Variants in ZNF668 observed in about 807,000 individuals in gnomAD.
ZNF668 encodes zinc finger protein 668.
In ZNF668, 10 loss-of-function variants were observed where a neutral mutation model predicts 40.3. That is an observed-to-expected ratio of 0.25 (90% CI 0.15 to 0.42). The LOEUF (loss-of-function observed/expected upper bound fraction) is 0.42, where lower values mean the gene tolerates loss of function less well. Ranked by LOEUF, ZNF668 falls within the 10% of genes least tolerant of loss-of-function variation. The probability of loss-of-function intolerance (pLI) is 1.00; values close to 1 mark genes in which losing one functional copy is unlikely to be tolerated. For synonymous variants in ZNF668, 428 were observed against 384.6 expected, an observed-to-expected ratio of 1.11 and a Z score of -1.32; for missense variants, 749 against 904.6, an observed-to-expected ratio of 0.83 and a Z score of 2.21.
chr16:31,070,323 T>G (rs916890084), intron 1 of ZNF668, among the ~76,000 whole-genome samples: 3 of 151,448 alleles, frequency 2.0e-5, no homozygotes, highest in Admixed American at 1.3e-4. Flanking sequence ...TTCTCCTGCC[T>G]CAGCTTCCCG....
chr16:31,061,377 C>T lies in ZNF668; in HGVS notation c.1551G>A (p.Val517=), dbSNP rs1218815485. The T allele has an allele frequency of 6.2e-7, 1 of 1,613,668 alleles. No individual in the cohort carries two copies. Among genetic ancestry groups the T allele is most frequent in the Non-Finnish European group, 8.5e-7 (1 of 1,179,814 alleles). ...AGAAGGTCTCCTTGCACTCTCGGCA[C>T]ACAAACTGGGGGGGCTTCTCGTCAG... ...EEADEKPPQF[V]CRECKETFST... The change falls in exon 3 of 3, where the codon GTG becomes GTA. Residue 517 remains valine (V), a synonymous_variant. Transcript: ENST00000300849. The surrounding 1 kb of genome is among the most constrained non-coding windows in gnomAD (Gnocchi z 7.7).
At chr16:31,070,025 C>T (rs571550659) in intron 1 of ZNF668, among the ~76,000 whole-genome samples, 5 of 152,312 alleles carry the variant, frequency 3.3e-5, no homozygotes, top group Admixed American at 2.6e-4. Flanking sequence ...CCACCTGCCT[C>T]GGCCTCCCAG....
At chr16:31,070,070 G>A (rs1484342617) in intron 1 of ZNF668, among the ~76,000 whole-genome samples, 3 of 151,792 alleles carry the variant, frequency 2.0e-5, no homozygotes, top group Non-Finnish European at 2.9e-5. Context: ...CACTGCACCC[G>A]GCCCAATCCC....
chr16:31,063,681 C>T, intron 2 of ZNF668, 132 bp downstream of exon 2: 1 of 1,071,534 alleles, frequency 9.3e-7, no homozygotes, highest in Non-Finnish European at 1.3e-6. Flanking sequence ...TGCCTAGCCC[C>T]TCCCCTTGGA....
intron 1 of ZNF668, among the ~76,000 whole-genome samples, chr16:31,067,933 C>T (rs1280188792): frequency 6.6e-6 from 1 of 152,162 alleles, no homozygotes; most frequent in East Asian, 1.9e-4. Context: ...CTTCTCTCAT[C>T]CTTGCAGAAC....
intron 1 of ZNF668, chr16:31,064,910 C>T (rs979164384): frequency 1.4e-6 from 2 of 1,397,162 alleles, no homozygotes; most frequent in African/African-American, 1.4e-5. Flanking sequence ...AGACCTGGGA[C>T]CAGAAAAGGG....
In ZNF668 at chr16:31,061,755, G is replaced by C; in HGVS notation, c.1173C>G (p.Pro391=). 2 of 1,613,328 alleles carry C rather than the reference G, an allele frequency of 1.2e-6. No individual in the cohort carries two copies. Among genetic ancestry groups the C allele is most frequent in the South Asian group, 1.1e-5 (1 of 91,080 alleles). The change falls in exon 3 of 3, where the codon CCC becomes CCG. Residue 391 remains proline (P), a synonymous_variant. Transcript: ENST00000300849. The surrounding 1 kb of genome is among the most constrained non-coding windows in gnomAD (Gnocchi z 7.7). ...KHSRVHSGER[P]FHCNACGKSF... is the part of the protein sequence containing the mutation. The stretch of plus-strand genomic sequence containing the variant: ...ATTTCCCACATGCGTTACAGTGGAA[G>C]GGGCGCTCCCCCGAGTGCACCCGGC...
At chr16:31,063,788 G>A (rs1229425172) in intron 2 of ZNF668, 25 bp downstream of exon 2, 3 of 1,523,028 alleles carry the variant, frequency 2.0e-6, no homozygotes, top group East Asian at 4.7e-5. Context: ...CCCGGAAGGC[G>A]CCCTGCCCCG....
chr16:31,069,965 A>G (rs1454152365), intron 1 of ZNF668, among the ~76,000 whole-genome samples: 10 of 151,768 alleles, frequency 6.6e-5, no homozygotes. Flanking sequence ...TAGTAGAGAC[A>G]GGGTCTCACT....
In ZNF668 at chr16:31,061,543, A is replaced by G. The variant is rs761758244; in HGVS notation, c.1385T>C (p.Leu462Pro). 2.5e-6 allele frequency: 4 copies of G among 1,610,222 alleles called. 1 individual carries two copies. In the South Asian group the frequency reaches 3.3e-5, roughly 13 times the overall value. ...LGDPPAGLLG[L>P]PPESGGVMAT... is the part of the protein sequence containing the mutation. ...CATCACACCACCTGACTCCGGGGGC[A>G]GCCCTAGCAGCCCTGCTGGAGGGTC... The change falls in exon 3 of 3, where the codon CTG becomes CCG. Residue 462 changes from leucine to proline, a missense_variant. Physicochemically the swap from Leu to Pro is moderately conservative, Grantham distance 98 (BLOSUM62 -3). Around this residue, in one of 4 missense-constraint regions of ZNF668, gnomAD observed 310 missense variants for 355.1 expected, o/e 0.87. Coordinates refer to ENST00000300849, the MANE Select transcript of ZNF668 (RefSeq NM_024706.5). The surrounding 1 kb of genome is among the most constrained non-coding windows in gnomAD (Gnocchi z 7.7).
rs745631385 is a variant in ZNF668, at chr16:31,064,161, C to T, written c.299G>A (p.Arg100His). ...CCCCGTGTGGCTGCGCCCGTGGCTG[C>T]GCAGCTCGGGTGCCGTCTTGTAGGC... is the stretch of plus-strand genomic sequence containing the variant. ...PKAYKTAPEL[R>H]SHGRSHTGEK... The change falls in exon 2 of 3, where the codon CGC becomes CAC. Residue 100 changes from arginine to histidine, a missense_variant. By Grantham distance (29) the Arg-to-His change is conservative. Around this residue, in one of 4 missense-constraint regions of ZNF668, gnomAD observed 159 missense variants for 139.8 expected, o/e 1.14. Transcript: ENST00000300849. The T allele has an allele frequency of 6.8e-6, 11 of 1,609,516 alleles. No individual in the cohort carries two copies. Among genetic ancestry groups the T allele is most frequent in the Non-Finnish European group, 8.5e-6 (10 of 1,179,392 alleles).
At chr16:31,062,376 C>G in intron 2 of ZNF668, 96 bp from the exon 3 acceptor site, 1 of 1,471,114 alleles carries the variant, frequency 6.8e-7, no homozygotes, top group Non-Finnish European at 9.0e-7. Context: ...CCCAAACGTT[C>G]GTGGGGGCCT....
chr16:31,072,053 T>C (rs917746272), intron 1 of ZNF668, among the ~76,000 whole-genome samples: 2 of 152,196 alleles, frequency 1.3e-5, no homozygotes, highest in African/African-American at 2.4e-5. Context: ...TTATGAGAAG[T>C]GACACCACAA....
chr16:31,062,352 T>C, intron 2 of ZNF668, 72 bp from the exon 3 acceptor site: 1 of 1,509,144 alleles, frequency 6.6e-7, no homozygotes, highest in Non-Finnish European at 8.8e-7. Context: ...GTCTGGGCTG[T>C]ACTTTAGGGG....
At position 31,061,588 on chromosome 16, in the gene ZNF668, G is replaced by A. The variant is rs8046978; in HGVS notation, c.1340C>T (p.Ala447Val). 332,305 of 1,608,640 alleles carry A rather than the reference G, an allele frequency of 0.21. 37,883 individuals are homozygous for A. The highest frequency in any genetic ancestry group is 0.24 in the Non-Finnish European group (279,472 of 1,179,678). The change falls in exon 3 of 3, where the codon GCA (alanine) becomes GTA (valine). Residue 447 changes from alanine to valine, a missense_variant. Coordinates refer to ENST00000300849, the MANE Select transcript of ZNF668 (RefSeq NM_024706.5). This position sits in a 1 kb window ranked among gnomAD's most constrained non-coding sequence, Gnocchi z 7.7. ...AGGGTCCCCCAGCCCCGCCCCTGCT[G>A]CCGGGGCGGCTGAACTCTCACCTGC... ...GVAGESSAAP[A>V]AGAGLGDPPA...
At chr16:31,067,658 G>C (rs1395310182) in intron 1 of ZNF668, among the ~76,000 whole-genome samples, 1 of 152,182 alleles carries the variant, frequency 6.6e-6, no homozygotes, top group East Asian at 1.9e-4. Context: ...GGGTGTGCTG[G>C]TTTATTTAAT....
intron 1 of ZNF668, among the ~76,000 whole-genome samples, chr16:31,068,239 A>AAAAAAAAAAAAATAT (rs1473353128): frequency 7.2e-5 from 6 of 82,994 alleles, no homozygotes; most frequent in African/African-American, 2.0e-4. Flanking sequence ...AAAAAAAAAA[A>AAAAAAAAAAAAATAT]ATATATATAT....
In ZNF668 at chr16:31,061,022, G is replaced by A. The variant is rs747158902; in HGVS notation, c.*46C>T. ...GCAAAAGGAGGTACAGGAAGCCCCC[G>A]ATGGGGGCTGGGCTCCCGGAGTGTG... On this transcript the variant is annotated 3_prime_UTR_variant, in exon 3 of 3. Transcript: ENST00000300849. The surrounding 1 kb of genome is among the most constrained non-coding windows in gnomAD (Gnocchi z 7.7). 2.8e-6 allele frequency: 4 copies of A among 1,426,028 alleles called. No homozygotes were observed. The highest frequency in any genetic ancestry group is 1.5e-5 in the African/African-American group (1 of 68,506). The allele number at this position is 1,426,028 out of a possible 1,614,324, so 88.3% of individuals were successfully genotyped here. A position where few individuals can be genotyped will look rare whatever the true frequency, so the allele number is the denominator to read the frequency against.
chr16:31,068,239 A>AAAAAAAATATATAT (rs1473353128), intron 1 of ZNF668, among the ~76,000 whole-genome samples: 4 of 82,990 alleles, frequency 4.8e-5, no homozygotes, highest in African/African-American at 2.0e-4. Flanking sequence ...AAAAAAAAAA[A>AAAAAAAATATATAT]ATATATATAT....
Sources: allele counts gnomAD v4.1 joint callset (sites outside exome capture counted in the v4.1 genomes callset), GRCh38; gene constraint gnomAD v4.1.1; regional missense constraint gnomAD v4.1.1; non-coding constraint Gnocchi (gnomAD v3.1); transcripts MANE v1.5; gene names NCBI Gene and HGNC (gene_info 2026-07-23, HGNC 2026-07-21).